Variants in KCNIP1 observed in about 807,000 individuals in gnomAD.
The protein encoded by KCNIP1 is A-type potassium channel modulatory protein KCNIP1.
A neutral mutation model predicts 33.0 loss-of-function variants in KCNIP1; 18 were observed. The ratio of observed to expected loss-of-function variants is 0.55; its 90% CI spans 0.38 to 0.81. The LOEUF (loss-of-function observed/expected upper bound fraction) is 0.81, where lower values mean the gene tolerates loss of function less well. Ranked by LOEUF, KCNIP1 falls within the 30% of genes least tolerant of loss-of-function variation. KCNIP1 has a pLI of 0.00. For synonymous variants in KCNIP1, 93 were observed against 98.3 expected (o/e 0.95, Z 0.32); for missense variants, 238 against 271.6 (o/e 0.88, Z 0.87).
chr5:170,490,225 G>A (rs556247155), intron 1 of KCNIP1, among the ~76,000 whole-genome samples: 1 of 152,302 alleles, frequency 6.6e-6, no homozygotes, highest in African/African-American at 2.4e-5. Context: ...CTGTATTCAT[G>A]GTGAACCTAC....
intron 1 of KCNIP1, among the ~76,000 whole-genome samples, chr5:170,534,645 A>C (rs1755906664): frequency 6.6e-6 from 1 of 151,980 alleles, no homozygotes; most frequent in Non-Finnish European, 1.5e-5. Flanking sequence ...CAACCTCCCA[A>C]GTAGCTGGGA....
chr5:170,656,710 C>A lies in KCNIP1; in HGVS notation c.62-62048C>A, dbSNP rs7706556. Reference sequence around the variant, plus strand: ...AAATGGGGACCGTCCAGCACAGTCACCATCTCATAGACATTTTCCTCCACC... The same window carrying A: ...AAATGGGGACCGTCCAGCACAGTCAACATCTCATAGACATTTTCCTCCACC... On this transcript the variant is annotated intron_variant, in intron 1 of 7. Coordinates refer to ENST00000328939, the MANE Select transcript of KCNIP1 (RefSeq NM_014592.4). Among the ~76,000 whole-genome samples, 1,502 of 152,342 alleles carry A rather than the reference C, an allele frequency of 9.9e-3. 30 individuals carry two copies. The highest frequency in any genetic ancestry group is 0.033 in the African/African-American group (1,372 of 41,566).
intron 1 of KCNIP1, among the ~76,000 whole-genome samples, chr5:170,498,404 C>T (rs1178577632): frequency 6.6e-6 from 1 of 152,172 alleles, no homozygotes; most frequent in African/African-American, 2.4e-5. Flanking sequence ...TGACCTGAAA[C>T]TCATATCTAC....
chr5:170,583,739 A>G (rs906530727), intron 1 of KCNIP1, among the ~76,000 whole-genome samples: 11 of 152,196 alleles, frequency 7.2e-5, no homozygotes, highest in African/African-American at 2.7e-4. Context: ...GAGCTGATGG[A>G]AAAAGGGCGG....
At chr5:170,450,261 C>G (rs983133878) in intron 1 of KCNIP1, among the ~76,000 whole-genome samples, 4 of 152,096 alleles carry the variant, frequency 2.6e-5, no homozygotes, top group African/African-American at 9.7e-5. Context: ...TTTACAGCAC[C>G]CTCCTCGGTG....
intron 1 of KCNIP1, among the ~76,000 whole-genome samples, chr5:170,640,891 A>G (rs78551883): frequency 0.052 from 7,972 of 152,260 alleles, 287 homozygotes; most frequent in Non-Finnish European, 0.081. Context: ...TCTGATGCAC[A>G]GTGAATGGGC....
chr5:170,626,537 T>G (rs1191978656), intron 1 of KCNIP1, among the ~76,000 whole-genome samples: 1 of 152,130 alleles, frequency 6.6e-6, no homozygotes, highest in Non-Finnish European at 1.5e-5. Context: ...TCTTTGAAGT[T>G]GACAAGGAGT....
rs187111069 is a variant in KCNIP1, at chr5:170,733,319, C to T, written c.540+415C>T. On this transcript the variant is annotated intron_variant, in intron 6 of 7. Transcript: ENST00000328939. ...CCTTGCTCTGGTACAGGATGGGCAG[C>T]TAGTGCTGATCCTTGACTAAGGGAG... Among the ~76,000 whole-genome samples the T allele has an allele frequency of 2.0e-5, 3 of 152,286 alleles. No homozygotes were observed. In the East Asian group the frequency reaches 5.8e-4, roughly 29 times the overall value.
chr5:170,430,748 G>A (rs915761645), intron 1 of KCNIP1, among the ~76,000 whole-genome samples: 3 of 152,212 alleles, frequency 2.0e-5, no homozygotes, highest in Admixed American at 1.3e-4. Context: ...GACTATGTGA[G>A]GTCATACGCA....
chr5:170,419,812 G>A (rs1755433195), intron 1 of KCNIP1, among the ~76,000 whole-genome samples: 2 of 152,186 alleles, frequency 1.3e-5, no homozygotes, highest in African/African-American at 4.8e-5. Context: ...AGTATCCATG[G>A]GAGAAGGCAG....
chr5:170,682,990 C>A (rs762459727), intron 1 of KCNIP1, among the ~76,000 whole-genome samples: 20 of 151,990 alleles, frequency 1.3e-4, no homozygotes, highest in Non-Finnish European at 2.4e-4. Context: ...CTCTTCCTTT[C>A]CATATCATAA....
At chr5:170,671,188 G>A (rs752266391) in intron 1 of KCNIP1, among the ~76,000 whole-genome samples, 129 of 152,058 alleles carry the variant, frequency 8.5e-4, no homozygotes, top group Non-Finnish European at 1.5e-3. Flanking sequence ...ACCCATTGTG[G>A]CCAGGCTAGA....
intron 1 of KCNIP1, among the ~76,000 whole-genome samples, chr5:170,541,705 A>G (rs1420809375): frequency 6.6e-6 from 1 of 152,174 alleles, no homozygotes; most frequent in African/African-American, 2.4e-5. Flanking sequence ...TGATAAAGTA[A>G]TGTTGTGAAG....
chr5:170,680,816 G>A (rs1762314951), intron 1 of KCNIP1: 1 of 325,530 alleles, frequency 3.1e-6, no homozygotes, highest in Non-Finnish European at 5.6e-6. Flanking sequence ...TTAAACCTTT[G>A]GAGAAATTGC....
intron 1 of KCNIP1, among the ~76,000 whole-genome samples, chr5:170,683,776 T>C (rs1301568487): frequency 6.6e-6 from 1 of 151,480 alleles, no homozygotes; most frequent in Non-Finnish European, 1.5e-5. Flanking sequence ...CAAGCTGGAG[T>C]GCAGTGGCAT....
intron 1 of KCNIP1, among the ~76,000 whole-genome samples, chr5:170,572,756 A>G (rs1310918490): frequency 1.3e-5 from 2 of 152,212 alleles, no homozygotes; most frequent in East Asian, 1.9e-4. Flanking sequence ...GTTGCTGCAC[A>G]TGTTTCTGTG....
intron 1 of KCNIP1, among the ~76,000 whole-genome samples, chr5:170,546,238 A>G (rs1756403164): frequency 6.6e-6 from 1 of 152,162 alleles, no homozygotes; most frequent in South Asian, 2.1e-4. Context: ...AAATCTGGCA[A>G]ATATCTTGAG....
At chr5:170,449,799 T>C (rs549752199) in intron 1 of KCNIP1, among the ~76,000 whole-genome samples, 278 of 152,008 alleles carry the variant, frequency 1.8e-3, no homozygotes, top group Non-Finnish European at 3.5e-3. Context: ...CCCACCCTCC[T>C]TTGCAGTTCC....
chr5:170,724,867 C>T (rs981661014), intron 5 of KCNIP1, among the ~76,000 whole-genome samples: 6 of 151,966 alleles, frequency 3.9e-5, no homozygotes, highest in African/African-American at 1.5e-4. Flanking sequence ...TTGGAAGGCC[C>T]AATATAGTTA....
Sources: allele counts gnomAD v4.1 joint callset (sites outside exome capture counted in the v4.1 genomes callset), GRCh38; gene constraint gnomAD v4.1.1; transcripts MANE v1.5; gene names NCBI Gene and HGNC (gene_info 2026-07-23, HGNC 2026-07-21).